Variants in NAV3 observed in about 807,000 individuals in gnomAD.
NAV3 encodes neuron navigator 3.
NAV3 carries 87 observed loss-of-function variants against 244.7 expected under a neutral mutation model. The ratio of observed to expected loss-of-function variants is 0.36; its 90% CI spans 0.30 to 0.42. The LOEUF (loss-of-function observed/expected upper bound fraction) is 0.42. NAV3 is among the 20% of genes least tolerant of loss of function. The pLI is 1.00. For missense variants in NAV3, 2,663 were observed against 2,893.3 expected, an observed-to-expected ratio of 0.92 and a Z score of 1.83; for synonymous variants, 1,126 against 1,042.2, an observed-to-expected ratio of 1.08 and a Z score of -1.55.
chr12:77,980,483 T>C (rs953262294), intron 5 of NAV3, among the ~76,000 whole-genome samples: 1 of 152,232 alleles, frequency 6.6e-6, no homozygotes, highest in African/African-American at 2.4e-5. Flanking sequence ...TATTTTATGA[T>C]GACTACAATG....
intron 2 of NAV3, among the ~76,000 whole-genome samples, chr12:77,672,129 C>A (rs1201022375): frequency 6.6e-6 from 1 of 152,048 alleles, no homozygotes; most frequent in Non-Finnish European, 1.5e-5. Context: ...AGAAGATATA[C>A]AAATGGCCAA....
At chr12:77,907,914 G>A (rs1244545700) in intron 1 of NAV3, among the ~76,000 whole-genome samples, 2 of 152,064 alleles carry the variant, frequency 1.3e-5, no homozygotes, top group Non-Finnish European at 2.9e-5. Flanking sequence ...GTAAGGATGT[G>A]TGGATGTTTA....
chr12:78,126,701 C>A (rs551275156), intron 16 of NAV3, among the ~76,000 whole-genome samples: 4 of 152,038 alleles, frequency 2.6e-5, no homozygotes, highest in Non-Finnish European at 4.4e-5. Context: ...AATAAACATG[C>A]CTTTTTATTA....
intron 5 of NAV3, among the ~76,000 whole-genome samples, chr12:77,982,722 T>C (rs1869794925): frequency 1.3e-5 from 2 of 152,208 alleles, no homozygotes; most frequent in Non-Finnish European, 2.9e-5. Flanking sequence ...TGGCTTGTCC[T>C]TGTTCCACTA....
At chr12:77,771,802 A>G (rs1465497881) in intron 2 of NAV3, among the ~76,000 whole-genome samples, 4 of 152,086 alleles carry the variant, frequency 2.6e-5, no homozygotes, top group South Asian at 2.1e-4. Flanking sequence ...TAGGAGATAT[A>G]CCTAATGTTA....
intron 38 of NAV3, among the ~76,000 whole-genome samples, chr12:78,200,836 G>A (rs1454745710): frequency 6.6e-6 from 1 of 151,894 alleles, no homozygotes; most frequent in East Asian, 1.9e-4. Context: ...CCAAATGGTT[G>A]TCATGGATGT....
intron 2 of NAV3, among the ~76,000 whole-genome samples, chr12:77,819,426 T>C (rs1027543406): frequency 2.0e-5 from 3 of 151,760 alleles, no homozygotes; most frequent in Non-Finnish European, 1.5e-5. Context: ...ACTAATTACT[T>C]AAAGGTTATC....
intron 27 of NAV3, 64 bp downstream of exon 27, chr12:78,177,377 A>G: frequency 1.3e-6 from 2 of 1,533,514 alleles, no homozygotes; most frequent in South Asian, 2.4e-5. Context: ...TGAAGGCCTT[A>G]TTTATGTTCT....
chr12:77,670,070 A>C (rs1873898045), intron 2 of NAV3, among the ~76,000 whole-genome samples: 1 of 152,136 alleles, frequency 6.6e-6, no homozygotes, highest in Non-Finnish European at 1.5e-5. Flanking sequence ...AAACAGGAAG[A>C]GAGAATATCC....
intron 1 of NAV3, among the ~76,000 whole-genome samples, chr12:77,904,703 C>G (rs1327180213): frequency 2.0e-5 from 3 of 151,942 alleles, no homozygotes; most frequent in Non-Finnish European, 2.9e-5. Flanking sequence ...GTCGTGAAAA[C>G]CAAGCTAACA....
At chr12:77,634,640 C>T (rs915346594) in intron 2 of NAV3, among the ~76,000 whole-genome samples, 7 of 151,924 alleles carry the variant, frequency 4.6e-5, no homozygotes, top group African/African-American at 9.7e-5. Flanking sequence ...GAACAGGTGT[C>T]GCCTATTTCC....
intron 22 of NAV3, among the ~76,000 whole-genome samples, chr12:78,155,484 C>A (rs1349326867): frequency 6.6e-6 from 1 of 152,056 alleles, no homozygotes; most frequent in Non-Finnish European, 1.5e-5. Flanking sequence ...GAACATAATG[C>A]ATGCAGGTAT....
At chr12:77,775,842 A>C (rs1005222739) in intron 2 of NAV3, 6 of 152,270 alleles carry the variant, frequency 3.9e-5, no homozygotes, top group African/African-American at 1.4e-4. Context: ...GAGTGTGATA[A>C]AGGTAAATTT....
At chr12:78,118,390 A>G in intron 14 of NAV3, 93 bp downstream of exon 14, 2 of 1,452,760 alleles carry the variant, frequency 1.4e-6, no homozygotes, top group Non-Finnish European at 1.8e-6. Flanking sequence ...CATTTCTAAA[A>G]TACCAAATTC....
At position 77,998,349 on chromosome 12, in the gene NAV3, C is replaced by G. The variant is rs772635192; in HGVS notation, c.753C>G (p.Pro251=). The G allele has an allele frequency of 6.3e-7, 1 of 1,588,254 alleles. No individual in the cohort carries two copies. The highest frequency in any genetic ancestry group is 8.6e-7 in the Non-Finnish European group (1 of 1,169,132). ...TATACTATTTCAGGCTTCCAGGGCC[C>G]TCTAGGGTGCCTGCTGCAGGAAGCA... ...SQKKPTRLPG[P]SRVPAAGSSS... Residue 251 remains proline (P), a synonymous_variant, in exon 7 of 40, where the codon CCC becomes CCG. Coordinates refer to ENST00000397909, the MANE Select transcript of NAV3 (RefSeq NM_001024383.2).
At chr12:77,905,509 G>A (rs763688059) in intron 1 of NAV3, among the ~76,000 whole-genome samples, 35 of 152,036 alleles carry the variant, frequency 2.3e-4, no homozygotes, top group Non-Finnish European at 4.0e-4. Flanking sequence ...ATTTGTCTAA[G>A]AGTATGAATC....
chr12:77,942,099 G>A (rs1889923790), intron 3 of NAV3, among the ~76,000 whole-genome samples: 1 of 152,206 alleles, frequency 6.6e-6, no homozygotes, highest in East Asian at 1.9e-4. Context: ...TTGGCCAGAT[G>A]TGGTGGCTCA....
chr12:77,715,618 GT>G (rs1471313293), intron 2 of NAV3, among the ~76,000 whole-genome samples: 1 of 151,956 alleles, frequency 6.6e-6, no homozygotes, highest in Admixed American at 6.6e-5. Context: ...TGAGGACACT[GT>G]TTTTAGATAT....
At chr12:77,754,852 T>A (rs998219711) in intron 2 of NAV3, among the ~76,000 whole-genome samples, 1 of 152,162 alleles carries the variant, frequency 6.6e-6, no homozygotes. Context: ...ATATTCCTTA[T>A]AATACTGTTA....
Sources: gnomAD v4.1 joint callset for allele counts (sites outside exome capture counted in the v4.1 genomes callset) on GRCh38, gnomAD v4.1.1 for gene constraint, MANE v1.5 for transcripts, NCBI Gene and HGNC (gene_info 2026-07-23, HGNC 2026-07-21) for gene names.